The following ADGRL1 variants were observed in gnomAD, a reference collection of about 807,000 sequenced individuals.
ADGRL1 encodes adhesion G protein-coupled receptor L1, also known as CIRL-1.
Under a neutral mutation model 148.9 loss-of-function variants are expected in ADGRL1, and 31 were observed. The ratio of observed to expected loss-of-function variants is 0.21; its 90% confidence interval spans 0.16 to 0.28. The LOEUF is 0.28. Among genes scored for constraint, ADGRL1 ranks in the 10% least tolerant of loss-of-function variants. The pLI is 1.00. For synonymous variants in ADGRL1, 937 were observed against 900.3 expected (o/e 1.04, Z -0.73); for missense variants, 1,521 against 2,058.8 (o/e 0.74, Z 5.05).
At position 14,160,393 on chromosome 19, in the gene ADGRL1, C is replaced by A; in HGVS notation, c.1615-96G>T. On this transcript the variant is annotated intron_variant, in intron 7 of 22. Transcript: ENST00000361434. The surrounding 1 kb of genome is among the most constrained non-coding windows in gnomAD (Gnocchi z 5.9). ...CTGGCCTGTGCAGCCTCTCCTATCTCTCTCTCCACTTCCCCATCGCCATCT... is the reference window on the plus strand; with the variant it reads ...CTGGCCTGTGCAGCCTCTCCTATCTATCTCTCCACTTCCCCATCGCCATCT... The A allele has an allele frequency of 8.5e-7, 1 of 1,178,644 alleles. No homozygotes were observed. The highest frequency in any genetic ancestry group is 1.2e-6 in the Non-Finnish European group (1 of 839,198). The allele number at this position is 1,178,644 out of a possible 1,614,324, so 73.0% of individuals were successfully genotyped here.
chr19:14,163,262 T>C lies in ADGRL1; in HGVS notation c.539A>G (p.Asp180Gly), dbSNP rs1568587898. Reference protein sequence around the residue: ...YVMPWIPYRTDTLTEYASWED... With the variant: ...YVMPWIPYRTGTLTEYASWED... ...CCACGAGGCATACTCAGTCAGTGTG[T>C]CCGTGCGGTAGGGGATCCAGGGCAT... The change falls in exon 5 of 23, where the codon GAC becomes GGC. Residue 180 changes from aspartate to glycine, a missense_variant. Physicochemically the swap from Asp to Gly is moderately conservative, Grantham distance 94 (BLOSUM62 -1). Around this residue, in one of 8 missense-constraint regions of ADGRL1, gnomAD observed 334 missense variants for 512.5 expected, o/e 0.65. Transcript: ENST00000361434. 3.1e-6 allele frequency: 5 copies of C among 1,613,748 alleles called. No homozygotes were observed. The highest frequency in any genetic ancestry group is 2.2e-5 in the East Asian group (1 of 44,880).
intron 1 of ADGRL1, among the ~76,000 whole-genome samples, chr19:14,189,249 C>T (rs563191938): frequency 6.9e-6 from 1 of 143,888 alleles, no homozygotes; most frequent in African/African-American, 2.6e-5. Flanking sequence ...AGATGGGGGT[C>T]TCACTCTGTT....
In ADGRL1 at chr19:14,159,338, A is replaced by T. The variant is rs1015415207; in HGVS notation, c.2023+63T>A. 75 of 1,570,742 alleles carry T rather than the reference A, an allele frequency of 4.8e-5. No homozygotes were observed. Among genetic ancestry groups the T allele is most frequent in the Non-Finnish European group, 6.1e-5 (71 of 1,154,942 alleles). On this transcript the variant is annotated intron_variant, in intron 10 of 22. Transcript: ENST00000361434. This position sits in a 1 kb window ranked among gnomAD's most constrained non-coding sequence, Gnocchi z 6.0. The stretch of plus-strand genomic sequence containing the variant: ...GTCGGATAGCCCCCCTGTGGCCTCC[A>T]GGCCAGAACCCCGTGGTTTAAGGTT...
chr19:14,163,534 G>T lies in ADGRL1; in HGVS notation c.395-128C>A, dbSNP rs1039693892. The T allele has an allele frequency of 1.9e-5, 14 of 725,240 alleles. No individual in the cohort carries two copies. In the Middle Eastern group the frequency reaches 1.2e-3, roughly 62 times the overall value. The allele number at this position is 725,240 out of a possible 1,614,324, so 44.9% of individuals were successfully genotyped here. ...GGCAAGTTGGTCACGCTGCTGGTGG[G>T]GAGCCAGGTTGTCCCCTCCTGCTGC... On this transcript the variant is annotated intron_variant, in intron 4 of 22. Transcript: ENST00000361434.
At chr19:14,200,663 AATGCAGTGGCGCG>A (rs1469280688) in intron 1 of ADGRL1, among the ~76,000 whole-genome samples, 2 of 152,122 alleles carry the variant, frequency 1.3e-5, no homozygotes, top group Non-Finnish European at 2.9e-5. Context: ...CCCAGGCTGG[AATGCAGTGGCGCG>A]ATCACAGCTC....
chr19:14,201,296 T>A (rs1599528244), intron 1 of ADGRL1, among the ~76,000 whole-genome samples: 1 of 114,222 alleles, frequency 8.8e-6, no homozygotes, highest in South Asian at 2.9e-4. Context: ...TATTCTGAGT[T>A]TTTTTGTTTT....
intron 4 of ADGRL1, among the ~76,000 whole-genome samples, chr19:14,165,435 G>C (rs937387534): frequency 6.6e-6 from 1 of 152,168 alleles, no homozygotes; most frequent in Non-Finnish European, 1.5e-5. Flanking sequence ...CCTGCTCAGA[G>C]GGTGTCAGGG....
At chr19:14,191,146 C>T (rs1234562567) in intron 1 of ADGRL1, 27 of 456,500 alleles carry the variant, frequency 5.9e-5, no homozygotes, top group Non-Finnish European at 5.3e-5. Flanking sequence ...TTAACCCCTC[C>T]AACACCTCTG....
chr19:14,183,307 G>A (rs942490251), intron 2 of ADGRL1, among the ~76,000 whole-genome samples: 1 of 151,916 alleles, frequency 6.6e-6, no homozygotes, highest in Non-Finnish European at 1.5e-5. Context: ...TACCAACCTG[G>A]CCCAGCCGAC....
At chr19:14,156,394 C>A (rs550605441) in intron 16 of ADGRL1, among the ~76,000 whole-genome samples, 193 bp from the exon 17 acceptor site, 4 of 152,220 alleles carry the variant, frequency 2.6e-5, no homozygotes, top group Non-Finnish European at 5.9e-5. Context: ...TAATGCCACT[C>A]CTGGCTGCTG....
chr19:14,160,597 TG>T lies in ADGRL1; in HGVS notation c.1609del (p.Gln537ArgfsTer33), dbSNP rs1301209552. ...GCGAGGGGTGGTGGCTGGTACCTTC[TG>T]GGCCACCTGGTTGACCCAGGGGGAG... The part of the protein sequence containing the change: ...CTSPWVNQVA[Q>X]KIKSGENAAN... On this transcript the variant is annotated frameshift_variant, in exon 7 of 23. Coordinates refer to ENST00000361434, the MANE Select transcript of ADGRL1 (RefSeq NM_014921.5). LOFTEE classifies it high-confidence loss of function. This position sits in a 1 kb window ranked among gnomAD's most constrained non-coding sequence, Gnocchi z 5.9. 6.2e-7 allele frequency: 1 copy of T among 1,605,156 alleles called. No homozygotes were observed. The highest frequency in any genetic ancestry group is 8.5e-7 in the Non-Finnish European group (1 of 1,175,728).
chr19:14,191,234 C>T (rs1309527987), intron 1 of ADGRL1: 1 of 456,750 alleles, frequency 2.2e-6, no homozygotes, highest in Admixed American at 2.3e-5. Context: ...GTCCCTCAGA[C>T]TCAGAGGTGT....
chr19:14,151,561 C>T lies in ADGRL1; in HGVS notation c.3722G>A (p.Gly1241Asp). The change falls in exon 23 of 23, where the codon GGC (glycine) becomes GAC (aspartate). Residue 1241 changes from glycine (G) to aspartate (D), a missense_variant. By Grantham distance (94) the Gly-to-Asp change is moderately conservative. Around this residue, in one of 8 missense-constraint regions of ADGRL1, gnomAD observed 390 missense variants for 375.0 expected, o/e 1.04. Transcript: ENST00000361434. ...CAAGGAGTAACTGTTATTGAAGTTG[C>T]CGTTCAGGGGCAGGGTGTCCATGCC... ...ACGMDTLPLN[G>D]NFNNSYSLRS... 2 of 1,610,228 alleles carry T rather than the reference C, an allele frequency of 1.2e-6. No individual in the cohort carries two copies. The highest frequency in any genetic ancestry group is 8.5e-7 in the Non-Finnish European group (1 of 1,179,216).
In ADGRL1 at chr19:14,176,484, C is replaced by T. The variant is rs1970835662; in HGVS notation, c.284+1047G>A. ...CCCCACACACAATCACTCACACAGG[C>T]CTGTGCTTCTATCATCTGTGCTCAG... is the stretch of plus-strand genomic sequence containing the variant. On this transcript the variant is annotated intron_variant, in intron 3 of 22. Coordinates refer to ENST00000361434, the MANE Select transcript of ADGRL1 (RefSeq NM_014921.5). Among the ~76,000 whole-genome samples the T allele has an allele frequency of 2.6e-5, 4 of 152,162 alleles. No individual in the cohort carries two copies. The South Asian group carries it at 8.3e-4, about 31-fold the overall frequency.
chr19:14,181,506 G>T (rs1971193046), intron 2 of ADGRL1, among the ~76,000 whole-genome samples: 1 of 152,142 alleles, frequency 6.6e-6, no homozygotes, highest in African/African-American at 2.4e-5. Flanking sequence ...ATCACCAGAG[G>T]TCAGGAATTC....
At chr19:14,202,255 GT>G (rs113347585) in intron 1 of ADGRL1, among the ~76,000 whole-genome samples, 81 of 145,354 alleles carry the variant, frequency 5.6e-4, no homozygotes, top group South Asian at 6.6e-4. Flanking sequence ...TTTGTTTTGG[GT>G]TTTTTTTTTT....
intron 1 of ADGRL1, among the ~76,000 whole-genome samples, chr19:14,186,322 T>A (rs904717043): frequency 2.6e-5 from 4 of 152,210 alleles, no homozygotes; most frequent in Non-Finnish European, 5.9e-5. Flanking sequence ...CATCCCAAAG[T>A]GCTGGGATTA....
At position 14,159,362 on chromosome 19, in the gene ADGRL1, T is replaced by C. The variant is rs777632084; in HGVS notation, c.2023+39A>G. The C allele has an allele frequency of 1.3e-6, 2 of 1,581,266 alleles. No individual in the cohort carries two copies. On this transcript the variant is annotated intron_variant, in intron 10 of 22. Coordinates refer to ENST00000361434, the MANE Select transcript of ADGRL1 (RefSeq NM_014921.5). This position sits in a 1 kb window ranked among gnomAD's most constrained non-coding sequence, Gnocchi z 6.0. ...CAGGCCAGAACCCCGTGGTTTAAGG[T>C]TCGTATCTGAGTTTGCCCTGGGTGA...
chr19:14,162,363 A>C lies in ADGRL1; in HGVS notation c.1195+243T>G, dbSNP rs550650336. On this transcript the variant is annotated intron_variant, in intron 5 of 22. Transcript: ENST00000361434. The surrounding 1 kb of genome is among the most constrained non-coding windows in gnomAD (Gnocchi z 5.4). ...TCAAATAACTTAATCCCCTACCCAC[A>C]CAGAGCCTCAGTGTCATCTGTAAAA... 2.0e-5 allele frequency among the ~76,000 whole-genome samples: 3 copies of C among 152,298 alleles called. No homozygotes were observed. Among genetic ancestry groups the C allele is most frequent in the Admixed American group, 1.3e-4 (2 of 15,296 alleles).
Sources: allele counts gnomAD v4.1 joint callset (sites outside exome capture counted in the v4.1 genomes callset), GRCh38; gene constraint gnomAD v4.1.1; regional missense constraint gnomAD v4.1.1; non-coding constraint Gnocchi (gnomAD v3.1); transcripts MANE v1.5; gene names NCBI Gene and HGNC (gene_info 2026-07-23, HGNC 2026-07-21).